Variants in CDH18 observed in about 807,000 individuals in gnomAD.
CDH18 encodes the protein cadherin 18, also known as cadherin-18.
In CDH18, 31 loss-of-function variants were observed where a neutral mutation model predicts 67.9. That is an observed-to-expected ratio of 0.46 (90% CI 0.34 to 0.62). The LOEUF is 0.62. CDH18 is among the 20% of genes least tolerant of loss of function. CDH18 has a pLI of 0.01. For missense variants in CDH18, 890 were observed against 975.5 expected (o/e 0.91, Z 1.17); for synonymous variants, 362 against 347.2 (o/e 1.04, Z -0.48).
chr5:20,574,209 T>A (rs990176478), intron 1 of CDH18, among the ~76,000 whole-genome samples: 1 of 151,782 alleles, frequency 6.6e-6, no homozygotes, highest in Non-Finnish European at 1.5e-5. Flanking sequence ...TAGTGTTTTT[T>A]TAAATATGCA....
At chr5:19,605,661 G>A (rs1056188127) in intron 6 of CDH18, among the ~76,000 whole-genome samples, 5 of 151,982 alleles carry the variant, frequency 3.3e-5, no homozygotes, top group Non-Finnish European at 5.9e-5. Flanking sequence ...CTGTTTTAAG[G>A]CATTGAAGGC....
chr5:20,200,282 GCAAT>G lies in CDH18; in HGVS notation c.-518+55158_-518+55161del, dbSNP rs557667756. 1.0e-3 allele frequency among the ~76,000 whole-genome samples: 158 copies of G among 152,232 alleles called. 1 individual carries two copies. Among genetic ancestry groups the G allele is most frequent in the African/African-American group, 3.7e-3 (152 of 41,544 alleles). The stretch of plus-strand genomic sequence containing the variant: ...TGATAGAACACCCAGATTCAAATCA[GCAAT>G]CAGAATAAAATTGCTGGGTCTTTTG... On this transcript the variant is annotated intron_variant, in intron 2 of 14. Transcript: ENST00000507958.
intron 1 of CDH18, among the ~76,000 whole-genome samples, chr5:20,544,325 TAA>T (rs1360249826): frequency 6.6e-6 from 1 of 152,024 alleles, no homozygotes; most frequent in African/African-American, 2.4e-5. Flanking sequence ...AAAGCACACA[TAA>T]ACACATATAT....
chr5:19,808,328 A>T (rs1011570417), intron 3 of CDH18, among the ~76,000 whole-genome samples: 9 of 147,216 alleles, frequency 6.1e-5, no homozygotes, highest in Non-Finnish European at 1.1e-4. Flanking sequence ...CAAAAAAAAA[A>T]CAAAAATAAA....
chr5:20,275,283 G>A lies in CDH18; in HGVS notation c.-579-19778C>T, dbSNP rs183276453. On this transcript the variant is annotated intron_variant, in intron 1 of 14. Coordinates refer to the CDH18 transcript ENST00000507958. ...CTTGTGATAGTGAGTGAGTTCTCAT[G>A]AGATCTGATGCCTTAAAAGCGTGTG... Among the ~76,000 whole-genome samples, 3 of 152,114 alleles carry A rather than the reference G, an allele frequency of 2.0e-5. No individual in the cohort carries two copies. The East Asian group carries it at 5.8e-4, about 30-fold the overall frequency.
chr5:19,666,121 G>C (rs1000427755), intron 5 of CDH18, among the ~76,000 whole-genome samples: 6 of 151,562 alleles, frequency 4.0e-5, no homozygotes, highest in African/African-American at 2.4e-5. Context: ...CCAGGCTGGA[G>C]TGCAGTGGTA....
At chr5:19,898,501 T>C (rs1179547257) in intron 2 of CDH18, among the ~76,000 whole-genome samples, 1 of 152,018 alleles carries the variant, frequency 6.6e-6, no homozygotes, top group Non-Finnish European at 1.5e-5. Context: ...CTCTGCTTAT[T>C]GAAAATTTAG....
chr5:20,356,741 C>G (rs1049027460), intron 1 of CDH18, among the ~76,000 whole-genome samples: 1 of 143,642 alleles, frequency 7.0e-6, no homozygotes, highest in Admixed American at 7.0e-5. Flanking sequence ...CTCTCTCTCT[C>G]TCTCTCTCTC....
chr5:20,239,010 G>C (rs1469614998), intron 2 of CDH18, among the ~76,000 whole-genome samples: 1 of 152,116 alleles, frequency 6.6e-6, no homozygotes, highest in Non-Finnish European at 1.5e-5. Flanking sequence ...GGTATACTTG[G>C]TTTTCCAAGT....
intron 5 of CDH18, among the ~76,000 whole-genome samples, chr5:19,696,553 C>T (rs1762570705): frequency 6.6e-6 from 1 of 151,468 alleles, no homozygotes; most frequent in Non-Finnish European, 1.5e-5. Flanking sequence ...AAAAAAGAGC[C>T]CAGCTGATGT....
chr5:20,163,325 T>C (rs1360851233), intron 2 of CDH18, among the ~76,000 whole-genome samples: 1 of 152,090 alleles, frequency 6.6e-6, no homozygotes, highest in Admixed American at 6.6e-5. Flanking sequence ...AATTAAATTT[T>C]CCCCAATTTT....
chr5:20,450,368 T>C (rs931304751), intron 1 of CDH18, among the ~76,000 whole-genome samples: 6 of 152,104 alleles, frequency 3.9e-5, no homozygotes, highest in African/African-American at 1.4e-4. Flanking sequence ...TAAAAGTGTA[T>C]TGTTCTAACA....
chr5:19,618,502 G>A (rs1182423471), intron 5 of CDH18, among the ~76,000 whole-genome samples: 1 of 151,952 alleles, frequency 6.6e-6, no homozygotes, highest in African/African-American at 2.4e-5. Flanking sequence ...CACCGTGCCT[G>A]GCCTACTTTT....
chr5:19,823,431 C>T (rs1490121678), intron 3 of CDH18, among the ~76,000 whole-genome samples: 2 of 152,176 alleles, frequency 1.3e-5, no homozygotes, highest in Non-Finnish European at 2.9e-5. Context: ...TAACAAATGT[C>T]CATGAAATCT....
intron 5 of CDH18, among the ~76,000 whole-genome samples, chr5:19,703,249 T>C (rs1413602489): frequency 2.6e-5 from 4 of 151,980 alleles, no homozygotes; most frequent in African/African-American, 7.2e-5. Context: ...AGAGTGACGG[T>C]TGGAGAACAT....
At chr5:20,384,621 T>C (rs1386056828) in intron 1 of CDH18, among the ~76,000 whole-genome samples, 3 of 152,176 alleles carry the variant, frequency 2.0e-5, no homozygotes, top group Non-Finnish European at 4.4e-5. Flanking sequence ...TGATGGATCA[T>C]ATGAAAGTTT....
intron 2 of CDH18, among the ~76,000 whole-genome samples, chr5:19,904,348 G>A (rs1162920968): frequency 7.2e-6 from 1 of 138,376 alleles, no homozygotes; most frequent in Admixed American, 7.3e-5. Context: ...GGGAGGGAGG[G>A]AGGGAGGGGA....
chr5:19,993,837 C>G (rs1800120307), intron 2 of CDH18, among the ~76,000 whole-genome samples: 1 of 151,918 alleles, frequency 6.6e-6, no homozygotes, highest in South Asian at 2.1e-4. Context: ...AATGTTATGG[C>G]CATTTTACTG....
intron 2 of CDH18, among the ~76,000 whole-genome samples, chr5:19,914,051 T>C (rs1319048835): frequency 6.6e-6 from 1 of 152,150 alleles, no homozygotes; most frequent in African/African-American, 2.4e-5. Flanking sequence ...ATTGAGGTTA[T>C]TTAGCTCACA....
Sources: allele counts gnomAD v4.1 joint callset (sites outside exome capture counted in the v4.1 genomes callset), GRCh38; gene constraint gnomAD v4.1.1; transcripts MANE v1.5; gene names NCBI Gene and HGNC (gene_info 2026-07-23, HGNC 2026-07-21).